Variants in PBRM1 observed in about 807,000 individuals in gnomAD.
The protein encoded by PBRM1 is polybromo 1.
PBRM1 carries 27 observed loss-of-function variants against 194.5 expected under a neutral mutation model. The observed-to-expected ratio is 0.14, with a 90% CI of 0.10 to 0.19. The LOEUF is 0.19. Ranked by LOEUF, PBRM1 falls within the 10% of genes least tolerant of loss-of-function variation. PBRM1 has a pLI of 1.00. For synonymous variants in PBRM1, 655 were observed against 693.2 expected, an observed-to-expected ratio of 0.94 and a Z score of 0.87; for missense variants, 1,466 against 2,077.2, an observed-to-expected ratio of 0.71 and a Z score of 5.72.
chr3:52,611,820 A>G (rs1407064051), intron 15 of PBRM1, among the ~76,000 whole-genome samples: 2 of 152,024 alleles, frequency 1.3e-5, no homozygotes, highest in African/African-American at 2.4e-5. Flanking sequence ...ACAAAACAAA[A>G]CACAAAACAC....
At chr3:52,604,958 A>AAAATAAATAAATAAATAAATAAAT (rs144080973) in intron 16 of PBRM1, among the ~76,000 whole-genome samples, 258 of 145,772 alleles carry the variant, frequency 1.8e-3, no homozygotes, top group East Asian at 8.4e-3. Context: ...ACTCTGTCCC[A>AAAATAAATAAATAAATAAATAAAT]AAATAAATAA....
chr3:52,593,838 T>C (rs1401234052), intron 17 of PBRM1, among the ~76,000 whole-genome samples: 1 of 152,218 alleles, frequency 6.6e-6, no homozygotes, highest in Non-Finnish European at 1.5e-5. Flanking sequence ...GATTGTTTTA[T>C]GTCCAATTGT....
intron 13 of PBRM1, among the ~76,000 whole-genome samples, chr3:52,624,526 T>C (rs1337740553): frequency 6.6e-6 from 1 of 152,134 alleles, no homozygotes; most frequent in Non-Finnish European, 1.5e-5. Context: ...CTGATTTTGA[T>C]CCCTCCACCA....
chr3:52,603,833 T>C, intron 16 of PBRM1, 101 bp from the exon 19 acceptor site: 1 of 1,013,452 alleles, frequency 9.9e-7, no homozygotes, highest in Non-Finnish European at 1.4e-6. Flanking sequence ...ATTGATATAG[T>C]GGTATTTCTG....
chr3:52,611,976 C>T lies in PBRM1; in HGVS notation c.1925-2021G>A, dbSNP rs147394616. 2.5e-3 allele frequency among the ~76,000 whole-genome samples: 380 copies of T among 151,818 alleles called. 4 individuals carry two copies. The highest frequency in any genetic ancestry group is 8.7e-3 in the African/African-American group (359 of 41,416). On this transcript the variant is annotated intron_variant, in intron 15 of 29. Transcript: ENST00000296302. Reference sequence around the variant, plus strand: ...GGAGTTTACAGATTAAAAGAAGTATCGGGCTGGGCATGGTGGCTCACACCT... The same window carrying T: ...GGAGTTTACAGATTAAAAGAAGTATTGGGCTGGGCATGGTGGCTCACACCT...
intron 4 of PBRM1, 115 bp from the exon 6 acceptor site, chr3:52,658,430 AGATG>A (rs990415641): frequency 2.0e-6 from 1 of 512,228 alleles, no homozygotes; most frequent in African/African-American, 2.1e-5. Flanking sequence ...TTTTTTTTTG[AGATG>A]GAGAGGCTGG....
intron 18 of PBRM1, among the ~76,000 whole-genome samples, chr3:52,588,574 G>A (rs867977038): frequency 2.2e-5 from 1 of 45,556 alleles, no homozygotes; most frequent in Middle Eastern, 0.012. Flanking sequence ...TTTTTTTTTT[G>A]AGACAGTCTC....
intron 10 of PBRM1, among the ~76,000 whole-genome samples, chr3:52,638,601 TC>T (rs1198963457): frequency 8.8e-6 from 1 of 113,366 alleles, no homozygotes; most frequent in African/African-American, 3.6e-5. Context: ...TCGTATTCTC[TC>T]TTTTTTTAAG....
exon 30 of PBRM1, chr3:52,548,222 G>A (rs527392994): frequency 1.3e-5 from 21 of 1,574,028 alleles, no homozygotes; most frequent in South Asian, 2.4e-5. Flanking sequence ...ACAAATGGAC[G>A]TCGCGTCTTC....
At chr3:52,579,516 C>T (rs1194582139) in intron 20 of PBRM1, among the ~76,000 whole-genome samples, 1 of 151,922 alleles carries the variant, frequency 6.6e-6, no homozygotes, top group Non-Finnish European at 1.5e-5. Flanking sequence ...GTAGATCACT[C>T]GAGCTCAGGA....
At chr3:52,546,108 T>G (rs1270880614), downstream of PBRM1, 1 of 232,732 alleles carries the variant, frequency 4.3e-6, no homozygotes, top group Non-Finnish European at 8.5e-6. Context: ...TGGCTTCTAA[T>G]GACCCACGTG....
intron 4 of PBRM1, among the ~76,000 whole-genome samples, chr3:52,659,246 C>G (rs533199041): frequency 6.6e-6 from 1 of 152,104 alleles, no homozygotes; most frequent in Non-Finnish European, 1.5e-5. Context: ...AAGTCTGAAG[C>G]AAGTTTCTAG....
At chr3:52,655,622 A>C (rs1417282088) in intron 5 of PBRM1, among the ~76,000 whole-genome samples, 2 of 152,194 alleles carry the variant, frequency 1.3e-5, no homozygotes, top group Non-Finnish European at 2.9e-5. Flanking sequence ...TTCCATGTTT[A>C]ATTCTCTAGA....
chr3:52,570,729 G>C (rs1016301489), intron 22 of PBRM1, among the ~76,000 whole-genome samples: 3 of 152,154 alleles, frequency 2.0e-5, no homozygotes, highest in Admixed American at 2.0e-4. Flanking sequence ...ATCAATTTGG[G>C]GGGAACTGGC....
chr3:52,629,537 AT>A (rs1176509788), intron 11 of PBRM1, among the ~76,000 whole-genome samples: 3 of 152,256 alleles, frequency 2.0e-5, no homozygotes, highest in Non-Finnish European at 4.4e-5. Context: ...GAGTGGTCTT[AT>A]GATGGTAAAA....
intron 17 of PBRM1, among the ~76,000 whole-genome samples, chr3:52,602,164 C>T (rs2094043260): frequency 6.6e-6 from 1 of 152,148 alleles, no homozygotes; most frequent in South Asian, 2.1e-4. Flanking sequence ...GATTATCTTA[C>T]TTGAAATTCT....
At chr3:52,554,687 G>A (rs1320767401) in intron 27 of PBRM1, 37 bp downstream of exon 29, 5 of 1,497,078 alleles carry the variant, frequency 3.3e-6, no homozygotes, top group Non-Finnish European at 4.5e-6. Flanking sequence ...AGAATATGAA[G>A]ATGAGATTAA....
intron 26 of PBRM1, among the ~76,000 whole-genome samples, chr3:52,555,414 C>T (rs1396137103): frequency 6.6e-6 from 1 of 152,210 alleles, no homozygotes; most frequent in Non-Finnish European, 1.5e-5. Context: ...ATCTACTCCT[C>T]CTTTCTAGCC....
At chr3:52,658,456 A>G (rs969662360) in intron 4 of PBRM1, 141 bp from the exon 6 acceptor site, 1 of 485,014 alleles carries the variant, frequency 2.1e-6, no homozygotes, top group Non-Finnish European at 3.7e-6. Context: ...GTACAGTGGC[A>G]CAATTTCAGC....
Sources: gnomAD v4.1 joint callset for allele counts (sites outside exome capture counted in the v4.1 genomes callset) on GRCh38, gnomAD v4.1.1 for gene constraint, MANE v1.5 for transcripts, NCBI Gene and HGNC (gene_info 2026-07-23, HGNC 2026-07-21) for gene names.